SAMMSON: variants seen among roughly 807,000 people sequenced by gnomAD.
SAMMSON encodes the protein survival associated mitochondrial melanoma specific oncogenic non-coding RNA.
At chr3:70,297,543 T>C (rs1391396808) in intron 7 of SAMMSON, among the ~76,000 whole-genome samples, 2 of 152,162 alleles carry the variant, frequency 1.3e-5, no homozygotes, top group Non-Finnish European at 2.9e-5. Flanking sequence ...TTATTGCATA[T>C]GTCTGGGTAC....
chr3:70,130,080 G>C (rs2067476089), intron 4 of SAMMSON, among the ~76,000 whole-genome samples: 1 of 152,162 alleles, frequency 6.6e-6, no homozygotes, highest in African/African-American at 2.4e-5. Flanking sequence ...AAACAGTGAT[G>C]ACAGTCTCCC....
intron 7 of SAMMSON, among the ~76,000 whole-genome samples, chr3:70,331,455 C>A (rs1478866722): frequency 6.6e-6 from 1 of 152,142 alleles, no homozygotes; most frequent in African/African-American, 2.4e-5. Context: ...GGATTTTCCA[C>A]CCCCACAAAT....
intron 2 of SAMMSON, among the ~76,000 whole-genome samples, chr3:70,398,922 T>C (rs1237639823): frequency 1.3e-5 from 2 of 152,240 alleles, no homozygotes; most frequent in Non-Finnish European, 2.9e-5. Context: ...TGCAAGTTAA[T>C]AGACTGAAAA....
intron 2 of SAMMSON, among the ~76,000 whole-genome samples, chr3:70,408,629 G>A (rs923224159): frequency 6.6e-6 from 1 of 152,052 alleles, no homozygotes; most frequent in African/African-American, 2.4e-5. Context: ...GGACCTTATT[G>A]TCCATATCAC....
exon 5 of SAMMSON, chr3:70,249,182 G>A (rs1454515380): frequency 2.0e-5 from 3 of 152,162 alleles, no homozygotes; most frequent in African/African-American, 7.2e-5. Context: ...AACACTTTAA[G>A]TGATTGATCT....
chr3:70,201,901 A>G lies in SAMMSON; in HGVS notation n.508-47206A>G, dbSNP rs114966170. On this transcript the variant is annotated intron_variant and non_coding_transcript_variant, in intron 4 of 9. Transcript: ENST00000642114. ...GAAGGCAGTAACTGGAACCTGCAAG[A>G]TGGGAGGAAGAGAAAATTCAGGGTG... Among the ~76,000 whole-genome samples the G allele has an allele frequency of 2.5e-3, 387 of 152,300 alleles. 1 individual carries two copies. Among genetic ancestry groups the G allele is most frequent in the Middle Eastern group, 0.014 (4 of 294 alleles).
rs191787651 is a variant in SAMMSON at position 70,090,863 on chromosome 3, A to C, written n.507+19298A>C. On this transcript the variant is annotated intron_variant and non_coding_transcript_variant, in intron 4 of 9. Coordinates refer to ENST00000642114, the Ensembl canonical transcript of SAMMSON. ...AATGTGGAATACTAAAGCTGCCTGA[A>C]TCTTAGGCTTAAAAATAATTATTTA... 1.8e-3 allele frequency among the ~76,000 whole-genome samples: 281 copies of C among 152,174 alleles called. 2 individuals are homozygous for C. The East Asian group carries it at 0.022, about 12-fold the overall frequency.
In SAMMSON at chr3:70,031,940, T is replaced by C. The variant is rs546091916; in HGVS notation, n.417+18268T>C. On this transcript the variant is annotated intron_variant and non_coding_transcript_variant, in intron 3 of 9. Coordinates refer to ENST00000642114, the Ensembl canonical transcript of SAMMSON. Reference sequence around the variant, plus strand: ...TAAAATTATCAAAAAGCAACAGCTATGTAATAATTTCAAGTTAATGGTAAA... The same window carrying C: ...TAAAATTATCAAAAAGCAACAGCTACGTAATAATTTCAAGTTAATGGTAAA... Among the ~76,000 whole-genome samples, 7 of 152,330 alleles carry C rather than the reference T, an allele frequency of 4.6e-5. No homozygotes were observed. In the South Asian group the frequency reaches 1.4e-3, roughly 32 times the overall value.
intron 9 of SAMMSON, among the ~76,000 whole-genome samples, chr3:70,367,445 T>C (rs1438545762): frequency 2.0e-5 from 3 of 151,616 alleles, no homozygotes; most frequent in Non-Finnish European, 4.4e-5. Flanking sequence ...TCAACTTTTT[T>C]AGCTTCCACA....
At chr3:70,208,334 G>A (rs1701310980) in intron 4 of SAMMSON, among the ~76,000 whole-genome samples, 1 of 152,056 alleles carries the variant, frequency 6.6e-6, no homozygotes. Context: ...CCATGCTTAT[G>A]CAGCTCAGTG....
intron 2 of SAMMSON, among the ~76,000 whole-genome samples, chr3:70,411,520 C>T (rs1701217804): frequency 6.6e-6 from 1 of 152,102 alleles, no homozygotes; most frequent in Non-Finnish European, 1.5e-5. Flanking sequence ...GTGATGTTAA[C>T]TGGGTATCAC....
intron 3 of SAMMSON, chr3:70,069,625 A>G (rs952388325): frequency 6.6e-6 from 1 of 152,138 alleles, no homozygotes; most frequent in Non-Finnish European, 1.5e-5. Context: ...GGATACTCAC[A>G]TAGTGCTTGC....
chr3:70,241,843 G>A (rs1701669125), intron 4 of SAMMSON, among the ~76,000 whole-genome samples: 1 of 152,202 alleles, frequency 6.6e-6, no homozygotes, highest in Admixed American at 6.6e-5. Flanking sequence ...GAAGTGATTT[G>A]CTCAAGCTCA....
At chr3:70,087,429 C>A (rs1040846741) in intron 4 of SAMMSON, among the ~76,000 whole-genome samples, 1 of 152,080 alleles carries the variant, frequency 6.6e-6, no homozygotes, top group Non-Finnish European at 1.5e-5. Context: ...CAGCCTGAGA[C>A]CTTTTTCTCT....
intron 4 of SAMMSON, among the ~76,000 whole-genome samples, chr3:70,195,205 T>C (rs1028865805): frequency 6.6e-6 from 1 of 152,178 alleles, no homozygotes; most frequent in African/African-American, 2.4e-5. Context: ...CTTCCTGTTC[T>C]AGGAATCTAT....
intron 3 of SAMMSON, chr3:70,025,268 G>T (rs765000307): frequency 1.5e-4 from 23 of 151,832 alleles, no homozygotes; most frequent in Non-Finnish European, 3.1e-4. Flanking sequence ...TTTTGAGATG[G>T]AGTTTCATTC....
rs1251452291 is a variant in SAMMSON at position 70,381,743 on chromosome 3, A to G, written n.914-7831A>G. Among the ~76,000 whole-genome samples, 6 of 152,156 alleles carry G rather than the reference A, an allele frequency of 3.9e-5. No individual in the cohort carries two copies. The South Asian group carries it at 1.2e-3, about 32-fold the overall frequency. On this transcript the variant is annotated intron_variant and non_coding_transcript_variant, in intron 9 of 9. Transcript: ENST00000642114. Reference sequence around the variant, plus strand: ...AAACAGACAAATCCAGAATGAGGACATTCTAAGAGAAATTGGAGGGAACAG... The same window carrying G: ...AAACAGACAAATCCAGAATGAGGACGTTCTAAGAGAAATTGGAGGGAACAG...
At chr3:70,034,951 A>G (rs954491325) in intron 3 of SAMMSON, among the ~76,000 whole-genome samples, 1 of 152,216 alleles carries the variant, frequency 6.6e-6, no homozygotes, top group African/African-American at 2.4e-5. Context: ...CTGCTGTGTA[A>G]CAAATTACTG....
chr3:70,244,604 C>A (rs1450138537), intron 4 of SAMMSON, among the ~76,000 whole-genome samples: 1 of 152,168 alleles, frequency 6.6e-6, no homozygotes, highest in South Asian at 2.1e-4. Flanking sequence ...ATGAAACTGA[C>A]ACAAACAGGC....
Sources: gnomAD v4.1 joint callset for allele counts (sites outside exome capture counted in the v4.1 genomes callset) on GRCh38, gnomAD v4.1.1 for gene constraint, MANE v1.5 for transcripts, NCBI Gene and HGNC (gene_info 2026-07-23, HGNC 2026-07-21) for gene names.